Variants in AGBL4 observed in about 807,000 individuals in gnomAD.
AGBL4 encodes the protein AGBL carboxypeptidase 4.
In AGBL4, 58 loss-of-function variants were observed where a neutral mutation model predicts 66.4. The observed-to-expected ratio is 0.87, with a 90% CI of 0.71 to 1.09. AGBL4 has a LOEUF of 1.09. AGBL4 is among the 50% of genes least tolerant of loss of function. The pLI is 0.00. For synonymous variants in AGBL4, 234 were observed against 222.9 expected (o/e 1.05, Z -0.44); for missense variants, 579 against 631.0 (o/e 0.92, Z 0.88).
intron 3 of AGBL4, among the ~76,000 whole-genome samples, chr1:49,371,684 C>T (rs1441406512): frequency 2.0e-5 from 3 of 152,000 alleles, no homozygotes; most frequent in African/African-American, 4.8e-5. Flanking sequence ...TCTCTATCCC[C>T]GTATATGTTA....
At chr1:49,684,649 A>C (rs1448038832) in intron 3 of AGBL4, among the ~76,000 whole-genome samples, 1 of 152,230 alleles carries the variant, frequency 6.6e-6, no homozygotes, top group East Asian at 1.9e-4. Flanking sequence ...TCTTAATAAA[A>C]ATGCAAAGAC....
In AGBL4 at chr1:49,851,515, T is replaced by C. The variant is rs576205553; in HGVS notation, c.38A>G (p.Asn13Ser). ...EGSQSAPEAG[N>S]DMGNDDAIGG... ...AATGGCATCATCATTTCCCATATCA[T>C]TGCCTATTTAAAAAAATTGAAATAA... Residue 13 changes from asparagine to serine, a missense_variant, in exon 2 of 14, where the codon AAT (asparagine) becomes AGT (serine). By Grantham distance (46) the Asn-to-Ser change is conservative. Coordinates refer to ENST00000371839, the MANE Select transcript of AGBL4 (RefSeq NM_032785.4). 6.5e-6 allele frequency: 10 copies of C among 1,544,254 alleles called. No individual in the cohort carries two copies. The highest frequency in any genetic ancestry group is 2.5e-5 in the East Asian group (1 of 40,766).
intron 6 of AGBL4, among the ~76,000 whole-genome samples, chr1:48,692,432 C>T (rs1317484085): frequency 6.6e-6 from 1 of 152,168 alleles, no homozygotes; most frequent in African/African-American, 2.4e-5. Context: ...GCTGTGCGCG[C>T]CTGTCTGTCG....
intron 5 of AGBL4, among the ~76,000 whole-genome samples, chr1:48,949,734 A>G (rs538146987): frequency 2.0e-5 from 3 of 152,212 alleles, no homozygotes; most frequent in Non-Finnish European, 4.4e-5. Flanking sequence ...AGAATGGCCA[A>G]TGCTCCATCC....
At chr1:49,861,914 A>C (rs1288413764) in intron 1 of AGBL4, among the ~76,000 whole-genome samples, 1 of 152,204 alleles carries the variant, frequency 6.6e-6, no homozygotes, top group Admixed American at 6.5e-5. Context: ...CTTTACAAGA[A>C]GGATGGCTAT....
At chr1:49,300,559 A>C (rs914895242) in intron 3 of AGBL4, among the ~76,000 whole-genome samples, 1 of 152,198 alleles carries the variant, frequency 6.6e-6, no homozygotes, top group African/African-American at 2.4e-5. Flanking sequence ...CTCCATTAAC[A>C]GCCTCAGTAT....
At chr1:49,783,006 GT>G (rs34541455) in intron 2 of AGBL4, among the ~76,000 whole-genome samples, 170 of 143,730 alleles carry the variant, frequency 1.2e-3, no homozygotes, top group South Asian at 4.4e-3. Flanking sequence ...CCAGAAACCT[GT>G]TTTTTTTTTT....
intron 6 of AGBL4, among the ~76,000 whole-genome samples, chr1:48,663,656 T>C (rs1485031705): frequency 6.6e-6 from 1 of 152,176 alleles, no homozygotes; most frequent in African/African-American, 2.4e-5. Context: ...TTTGTTGTGA[T>C]GATTAAACAG....
At chr1:48,575,341 A>T (rs901492693) in intron 11 of AGBL4, among the ~76,000 whole-genome samples, 2 of 152,216 alleles carry the variant, frequency 1.3e-5, no homozygotes, top group African/African-American at 2.4e-5. Context: ...TCTCCCAGGA[A>T]CACATCCTTT....
chr1:48,895,619 C>T (rs879311646), intron 5 of AGBL4, among the ~76,000 whole-genome samples: 7 of 152,176 alleles, frequency 4.6e-5, no homozygotes, highest in Non-Finnish European at 1.0e-4. Flanking sequence ...TGTAACCAAG[C>T]TATCCCATTC....
intron 3 of AGBL4, among the ~76,000 whole-genome samples, chr1:49,646,172 A>G (rs974762859): frequency 2.0e-5 from 3 of 151,904 alleles, no homozygotes; most frequent in Non-Finnish European, 2.9e-5. Flanking sequence ...GGTTCTACTC[A>G]GTGAAATAGG....
chr1:48,978,920 G>T (rs1012083787), intron 5 of AGBL4, among the ~76,000 whole-genome samples: 1 of 152,102 alleles, frequency 6.6e-6, no homozygotes, highest in Non-Finnish European at 1.5e-5. Context: ...AAAGATACCT[G>T]TGCACTCAAG....
intron 5 of AGBL4, among the ~76,000 whole-genome samples, chr1:48,993,913 A>C: frequency 6.6e-6 from 1 of 152,206 alleles, no homozygotes; most frequent in Non-Finnish European, 1.5e-5. Context: ...TATTCTCTTC[A>C]GTTCCTCTAT....
At position 50,021,881 on chromosome 1, in the gene AGBL4, T is replaced by C. The variant is rs373462596; in HGVS notation, c.34+1882A>G. ...TTAGGATTTCTGACCCAAATTCATA[T>C]CATATTCTACAAAGTACTGGAAGAT... On this transcript the variant is annotated intron_variant, in intron 1 of 13. Transcript: ENST00000371839. Among the ~76,000 whole-genome samples the C allele has an allele frequency of 2.6e-5, 4 of 152,326 alleles. No homozygotes were observed. The East Asian group carries it at 7.7e-4, about 29-fold the overall frequency.
intron 2 of AGBL4, among the ~76,000 whole-genome samples, chr1:49,765,198 C>T (rs1031917321): frequency 2.6e-5 from 4 of 152,066 alleles, no homozygotes; most frequent in African/African-American, 9.7e-5. Context: ...CCTGAAACAA[C>T]AGAGTACACT....
intron 5 of AGBL4, among the ~76,000 whole-genome samples, chr1:48,909,895 G>A (rs1157403159): frequency 6.6e-6 from 1 of 152,128 alleles, no homozygotes; most frequent in Non-Finnish European, 1.5e-5. Flanking sequence ...AATTTCTATA[G>A]TTAGTTCTCA....
At chr1:48,740,773 C>G (rs1417815111) in intron 6 of AGBL4, among the ~76,000 whole-genome samples, 1 of 152,152 alleles carries the variant, frequency 6.6e-6, no homozygotes, top group African/African-American at 2.4e-5. Flanking sequence ...TCAGACAAGA[C>G]AGCAGAGCCA....
chr1:48,571,843 G>C (rs76194975), intron 11 of AGBL4, among the ~76,000 whole-genome samples: 4 of 152,146 alleles, frequency 2.6e-5, no homozygotes, highest in African/African-American at 9.7e-5. Context: ...CTCTGGGCAT[G>C]CTGACAACCT....
intron 2 of AGBL4, among the ~76,000 whole-genome samples, chr1:49,725,738 G>A (rs1648979136): frequency 7.1e-6 from 1 of 141,342 alleles, no homozygotes. Context: ...AGGCTGGAGT[G>A]CAGAGGCGCG....
Sources: gnomAD v4.1 joint callset for allele counts (sites outside exome capture counted in the v4.1 genomes callset) on GRCh38, gnomAD v4.1.1 for gene constraint, MANE v1.5 for transcripts, NCBI Gene and HGNC (gene_info 2026-07-23, HGNC 2026-07-21) for gene names.